TLK1: variants seen among roughly 807,000 people sequenced by gnomAD.
TLK1 encodes serine/threonine-protein kinase tousled-like 1.
TLK1 carries 24 observed loss-of-function variants against 105.3 expected under a neutral mutation model. That is an observed-to-expected ratio of 0.23 (90% confidence interval 0.17 to 0.32). The LOEUF is 0.32. TLK1 is among the 10% of genes least tolerant of loss of function. The pLI is 1.00. For missense variants in TLK1, 558 were observed against 910.5 expected (o/e 0.61, Z 4.98); for synonymous variants, 321 against 310.4 (o/e 1.03, Z -0.36).
rs1039520998 is a variant in TLK1 at position 171,044,271 on chromosome 2, A to G, written c.1169+1903T>C. Among the ~76,000 whole-genome samples, 3 of 152,154 alleles carry G rather than the reference A, an allele frequency of 2.0e-5. No individual in the cohort carries two copies. In the South Asian group the frequency reaches 6.2e-4, roughly 32 times the overall value. On this transcript the variant is annotated intron_variant, in intron 11 of 20. Transcript: ENST00000431350. ...GACTCCATCTCTTCAAAACAATAAA[A>G]AATAAAAATAAATAAAATCTGTACT...
chr2:171,102,729 G>T (rs145007395), intron 2 of TLK1, among the ~76,000 whole-genome samples: 3 of 152,156 alleles, frequency 2.0e-5, no homozygotes, highest in Admixed American at 6.5e-5. Flanking sequence ...ACCATTCAAG[G>T]TTTTTGCCTT....
Position 171,160,551 on chromosome 2 carries a change from G to C in TLK1, c.-123C>G. On this transcript the variant is annotated 5_prime_UTR_variant, in exon 1 of 21. Transcript: ENST00000431350. This position sits in a 1 kb window ranked among gnomAD's most constrained non-coding sequence, Gnocchi z 4.4. ...CGAGCGAGAGAGCGAGGGCTGGGAG[G>C]GGAGAGTCAAGGGGATGGGGGAGGA... The C allele has an allele frequency of 6.5e-7, 1 of 1,533,086 alleles. No individual in the cohort carries two copies. The highest frequency in any genetic ancestry group is 8.8e-7 in the Non-Finnish European group (1 of 1,142,322). 95.0% of individuals were successfully genotyped at this position (1,533,086 alleles called of 1,614,324 possible). A position where few individuals can be genotyped will look rare whatever the true frequency, so the allele number is the denominator to read the frequency against.
chr2:171,122,865 C>T (rs1285892816), intron 1 of TLK1, among the ~76,000 whole-genome samples: 1 of 151,684 alleles, frequency 6.6e-6, no homozygotes, highest in African/African-American at 2.4e-5. Flanking sequence ...ATGGTGAAAC[C>T]CCATCTCTAC....
intron 1 of TLK1, among the ~76,000 whole-genome samples, chr2:171,169,838 A>C (rs1575644887): frequency 6.6e-6 from 1 of 152,222 alleles, no homozygotes; most frequent in South Asian, 2.1e-4. Flanking sequence ...GCAGATAGTT[A>C]AAAGCTATTG....
At chr2:171,181,489 T>C (rs1167239669) in intron 1 of TLK1, among the ~76,000 whole-genome samples, 1 of 152,212 alleles carries the variant, frequency 6.6e-6, no homozygotes, top group Admixed American at 6.5e-5. Flanking sequence ...GGGTAATTTA[T>C]AAAGAAAAGG....
Position 171,076,789 on chromosome 2 carries a change from T to C in TLK1, c.330+5992A>G, listed in dbSNP as rs531945280. The stretch of plus-strand genomic sequence containing the variant: ...ATCAGCCAGGCGTGGTGGTGGGCGC[T>C]TGTAGTCCCAGCTACTCAGGAGGCT... On this transcript the variant is annotated intron_variant, in intron 3 of 20. Coordinates refer to ENST00000431350, the MANE Select transcript of TLK1 (RefSeq NM_012290.5). 2.4e-4 allele frequency among the ~76,000 whole-genome samples: 36 copies of C among 150,138 alleles called. 2 individuals are homozygous for C. In the South Asian group the frequency reaches 4.9e-3, roughly 20 times the overall value.
At chr2:171,022,086 A>AAAACACACACACACAC (rs1553605634) in intron 12 of TLK1, among the ~76,000 whole-genome samples, 46 of 103,106 alleles carry the variant, frequency 4.5e-4, no homozygotes, top group African/African-American at 1.3e-3. Flanking sequence ...CTGGGCGAAA[A>AAAACACACACACACAC]ACACACACAC....
chr2:171,005,687 T>C (rs1559336865), intron 18 of TLK1, among the ~76,000 whole-genome samples: 1 of 152,272 alleles, frequency 6.6e-6, no homozygotes, highest in East Asian at 1.9e-4. Flanking sequence ...GAACTAAGAT[T>C]ACACCACTGC....
chr2:171,050,262 A>G (rs1433354206), intron 8 of TLK1, 88 bp from the exon 9 acceptor site: 2 of 851,420 alleles, frequency 2.3e-6, no homozygotes, highest in East Asian at 2.7e-5. Context: ...TAAATTATAT[A>G]CAGATAGGAC....
At chr2:171,133,417 G>C (rs1691183114) in intron 1 of TLK1, among the ~76,000 whole-genome samples, 1 of 151,922 alleles carries the variant, frequency 6.6e-6, no homozygotes, top group Admixed American at 6.6e-5. Context: ...GCCAACATGG[G>C]GAAACCCTGT....
intron 19 of TLK1, 141 bp from the exon 20 acceptor site, chr2:170,996,901 A>G: frequency 2.9e-6 from 2 of 695,062 alleles, no homozygotes; most frequent in Non-Finnish European, 4.6e-6. Flanking sequence ...TTGAAACCTG[A>G]GATGAATTCT....
intron 3 of TLK1, among the ~76,000 whole-genome samples, chr2:171,074,248 C>A (rs1688396860): frequency 6.6e-6 from 1 of 152,120 alleles, no homozygotes; most frequent in African/African-American, 2.4e-5. Context: ...ACAAAGAGTA[C>A]TTGCTTTCAA....
At chr2:171,106,612 T>C (rs1689937142) in intron 2 of TLK1, among the ~76,000 whole-genome samples, 1 of 152,208 alleles carries the variant, frequency 6.6e-6, no homozygotes, top group African/African-American at 2.4e-5. Context: ...CTAGATAATG[T>C]ATTTACCTTT....
intron 1 of TLK1, among the ~76,000 whole-genome samples, chr2:171,210,787 C>T (rs1009110411): frequency 1.3e-5 from 2 of 152,014 alleles, no homozygotes; most frequent in Admixed American, 6.6e-5. Flanking sequence ...TAAATTAGGG[C>T]AAGGTTAATT....
intron 15 of TLK1, 33 bp from the exon 16 acceptor site, chr2:171,006,922 T>G (rs370252946): frequency 5.2e-5 from 84 of 1,604,608 alleles, no homozygotes; most frequent in Non-Finnish European, 6.9e-5. Context: ...TTCTCCATGA[T>G]CATTCAAAAA....
chr2:171,012,075 T>A (rs2059724), intron 13 of TLK1, among the ~76,000 whole-genome samples: 88,341 of 151,350 alleles, frequency 0.58, 27,926 homozygotes, highest in East Asian at 0.95. Context: ...TGGGAGTTGT[T>A]TTTTTTTTTA....
chr2:171,024,519 G>A (rs757571536), intron 12 of TLK1, among the ~76,000 whole-genome samples: 8 of 152,022 alleles, frequency 5.3e-5, no homozygotes, highest in Non-Finnish European at 1.0e-4. Flanking sequence ...AAAACTTAAG[G>A]AAAAGCAAAC....
At chr2:171,127,228 G>C (rs1383139257) in intron 1 of TLK1, among the ~76,000 whole-genome samples, 1 of 145,326 alleles carries the variant, frequency 6.9e-6, no homozygotes, top group African/African-American at 2.6e-5. Context: ...AGTGAGCTGA[G>C]ATCATGTCAC....
intron 1 of TLK1, among the ~76,000 whole-genome samples, chr2:171,186,100 C>T (rs938870967): frequency 1.3e-5 from 2 of 152,202 alleles, no homozygotes; most frequent in African/African-American, 2.4e-5. Context: ...AACTTTCCTC[C>T]GTTGAACAAA....
Sources: allele counts gnomAD v4.1 joint callset (sites outside exome capture counted in the v4.1 genomes callset), GRCh38; gene constraint gnomAD v4.1.1; non-coding constraint Gnocchi (gnomAD v3.1); transcripts MANE v1.5; gene names NCBI Gene and HGNC (gene_info 2026-07-23, HGNC 2026-07-21).